Variants in GLYR1 observed in about 807,000 individuals in gnomAD.
GLYR1 encodes the protein glyoxylate reductase 1 homolog.
A neutral mutation model predicts 72.7 loss-of-function variants in GLYR1; 21 were observed. The ratio of observed to expected loss-of-function variants is 0.29; its 90% CI spans 0.20 to 0.42. GLYR1 has a LOEUF of 0.42. Ranked by LOEUF, GLYR1 falls within the 10% of genes least tolerant of loss-of-function variation. GLYR1 has a pLI of 1.00. For synonymous variants in GLYR1, 392 were observed against 270.2 expected (o/e 1.45, Z -4.42); for missense variants, 594 against 712.1 (o/e 0.83, Z 1.89).
chr16:4,832,332 C>A, intron 4 of GLYR1, 111 bp from the exon 5 acceptor site: 1 of 1,298,162 alleles, frequency 7.7e-7, no homozygotes. Context: ...GGTCTCCTCA[C>A]AATGACCCTA....
chr16:4,814,516 GGGGA>G lies in GLYR1; in HGVS notation c.1017+17_1017+20del. 6.3e-7 allele frequency: 1 copy of G among 1,590,152 alleles called. No individual in the cohort carries two copies. Among genetic ancestry groups the G allele is most frequent in the Non-Finnish European group, 8.6e-7 (1 of 1,159,382 alleles). ...CCTGGCTGTGACCCGGAGTTGCTGA[GGGGA>G]GGGAGGGGGTCCTTACGTCCTTGGC... is the stretch of plus-strand genomic sequence containing the variant. On this transcript the variant is annotated intron_variant, in intron 11 of 15. Coordinates refer to ENST00000321919, the MANE Select transcript of GLYR1 (RefSeq NM_032569.4).
In GLYR1 at chr16:4,820,769, G is replaced by A. The variant is rs544259093; in HGVS notation, c.806+611C>T. On this transcript the variant is annotated intron_variant, in intron 9 of 15. Coordinates refer to ENST00000321919, the MANE Select transcript of GLYR1 (RefSeq NM_032569.4). ...TATCTTTTTGCCAACAAGACTCTGC[G>A]GAGGAGACATGCCTACAGAGCAGGC... Among the ~76,000 whole-genome samples, 17 of 152,312 alleles carry A rather than the reference G, an allele frequency of 1.1e-4. No homozygotes were observed. In the South Asian group the frequency reaches 2.1e-3, roughly 19 times the overall value.
rs2085716121 is a variant in GLYR1, at chr16:4,843,523, C to G, written c.155+1551G>C. ...TTCCAGAAGCTCTGGCTCCACAGCT[C>G]CAGGCCAGCGATCTCCTTGAAATAC... On this transcript the variant is annotated intron_variant, in intron 3 of 15. Transcript: ENST00000321919. 7.8e-5 allele frequency: 101 copies of G among 1,287,688 alleles called. 1 individual carries two copies. The South Asian group carries it at 1.1e-3, about 15-fold the overall frequency. The allele number at this position is 1,287,688 out of a possible 1,614,324, so 79.8% of individuals were successfully genotyped here.
intron 3 of GLYR1, among the ~76,000 whole-genome samples, chr16:4,842,024 G>C (rs191027697): frequency 6.6e-6 from 1 of 152,000 alleles, no homozygotes; most frequent in Admixed American, 6.6e-5. Context: ...GGCAGATCAC[G>C]AGGTCAGGAG....
intron 3 of GLYR1, chr16:4,833,144 A>T (rs987781236): frequency 5.2e-6 from 2 of 383,864 alleles, no homozygotes; most frequent in Non-Finnish European, 9.3e-6. Context: ...CAGCAACCAC[A>T]AATCAAGTTC....
At chr16:4,818,980 C>T (rs930431779) in intron 9 of GLYR1, among the ~76,000 whole-genome samples, 1 of 152,176 alleles carries the variant, frequency 6.6e-6, no homozygotes, top group East Asian at 1.9e-4. Flanking sequence ...TCCTGCAACC[C>T]TGAGAGCTGG....
intron 10 of GLYR1, 135 bp downstream of exon 10, chr16:4,817,463 T>A: frequency 4.8e-6 from 3 of 624,022 alleles, no homozygotes; most frequent in Non-Finnish European, 8.6e-6. Flanking sequence ...GGCATCTACA[T>A]CTCTACCTGC....
chr16:4,817,521 A>C, intron 10 of GLYR1, 77 bp downstream of exon 10: 1 of 856,574 alleles, frequency 1.2e-6, no homozygotes, highest in East Asian at 2.4e-5. Flanking sequence ...GAACGCTGAG[A>C]CAACAGGGGG....
rs569293876 is a variant in GLYR1, at chr16:4,843,705, G to A, written c.155+1369C>T. 171 of 1,167,274 alleles carry A rather than the reference G, an allele frequency of 1.5e-4. No homozygotes were observed. The African/African-American group carries it at 2.0e-3, about 14-fold the overall frequency. The allele number at this position is 1,167,274 out of a possible 1,614,324, so 72.3% of individuals were successfully genotyped here. A position where few individuals can be genotyped will look rare whatever the true frequency, so the allele number is the denominator to read the frequency against. ...CTTTCTAAGTAGAAATACTTTAACC[G>A]TCAGAATTAGATTTACCAGAGAAGC... On this transcript the variant is annotated intron_variant, in intron 3 of 15. Coordinates refer to ENST00000321919, the MANE Select transcript of GLYR1 (RefSeq NM_032569.4).
intron 9 of GLYR1, among the ~76,000 whole-genome samples, chr16:4,818,153 C>A (rs1052896343): frequency 3.9e-5 from 6 of 152,156 alleles, no homozygotes; most frequent in African/African-American, 7.2e-5. Context: ...CGCCACCATG[C>A]CCAGCTAATT....
In GLYR1 at chr16:4,805,281, C is replaced by T. The variant is rs1237543832; in HGVS notation, c.1617G>A (p.Gln539=). 3.7e-6 allele frequency: 6 copies of T among 1,613,898 alleles called. No homozygotes were observed. The highest frequency in any genetic ancestry group is 5.1e-6 in the Non-Finnish European group (6 of 1,180,018). ...EVYKRAKALD[Q]SDNDMSAVYR... is the part of the protein sequence containing the mutation. Reference sequence around the variant, plus strand: ...ACACGGCGGACATATCGTTGTCAGACTGGTCCAGCGCCTTGGCTCTTTTGT... The same window carrying T: ...ACACGGCGGACATATCGTTGTCAGATTGGTCCAGCGCCTTGGCTCTTTTGT... Residue 539 remains glutamine, a synonymous_variant, in exon 16 of 16, where the codon CAG becomes CAA. Transcript: ENST00000321919.
chr16:4,824,498 C>CAAAAAA (rs142627380), intron 5 of GLYR1, among the ~76,000 whole-genome samples: 1 of 95,150 alleles, frequency 1.1e-5, no homozygotes, highest in Non-Finnish European at 2.1e-5. Flanking sequence ...GACTCCATCT[C>CAAAAAA]AAAAAAAAAA....
intron 3 of GLYR1, among the ~76,000 whole-genome samples, chr16:4,837,110 A>G (rs1315843228): frequency 6.6e-6 from 1 of 152,224 alleles, no homozygotes; most frequent in Admixed American, 6.5e-5. Flanking sequence ...AAAAACTTGC[A>G]CACTTCTGAT....
chr16:4,828,751 C>T (rs910285776), intron 5 of GLYR1, among the ~76,000 whole-genome samples: 7 of 152,044 alleles, frequency 4.6e-5, no homozygotes, highest in African/African-American at 1.7e-4. Context: ...CTAGGAGGCA[C>T]GTACTGTTGT....
intron 3 of GLYR1, among the ~76,000 whole-genome samples, chr16:4,838,480 T>C (rs927347796): frequency 3.9e-5 from 6 of 152,188 alleles, no homozygotes; most frequent in African/African-American, 1.4e-4. Flanking sequence ...TTCTCCACTG[T>C]TTGTCCACAA....
chr16:4,827,724 C>A (rs2084485502), intron 5 of GLYR1, among the ~76,000 whole-genome samples: 1 of 152,028 alleles, frequency 6.6e-6, no homozygotes, highest in African/African-American at 2.4e-5. Context: ...CATGATGAAA[C>A]CCCGTCTCTA....
chr16:4,805,638 C>T (rs144226364), intron 15 of GLYR1, among the ~76,000 whole-genome samples: 6 of 152,240 alleles, frequency 3.9e-5, no homozygotes, highest in South Asian at 4.1e-4. Flanking sequence ...GTCAGGAGTT[C>T]GAGACCAGCC....
intron 3 of GLYR1, 21 bp downstream of exon 3, chr16:4,845,053 C>T (rs2085897471): frequency 1.3e-6 from 2 of 1,539,924 alleles, no homozygotes; most frequent in Middle Eastern, 1.7e-4. Context: ...CGAAGGGAGA[C>T]TCCTGGTGAG....
chr16:4,830,221 C>CT (rs35409655), intron 5 of GLYR1, among the ~76,000 whole-genome samples: 16,715 of 123,592 alleles, frequency 0.14, 1,161 homozygotes, highest in Non-Finnish European at 0.15. Flanking sequence ...CCAACTTTGT[C>CT]TTTTTTTTTT....
Sources: gnomAD v4.1 joint callset for allele counts (sites outside exome capture counted in the v4.1 genomes callset) on GRCh38, gnomAD v4.1.1 for gene constraint, MANE v1.5 for transcripts, NCBI Gene and HGNC (gene_info 2026-07-23, HGNC 2026-07-21) for gene names.